Variants in SLCO6A1 observed in about 807,000 individuals in gnomAD.
SLCO6A1 encodes cancer/testis antigen 48.
In SLCO6A1, 65 loss-of-function variants were observed where a neutral mutation model predicts 72.7. The ratio of observed to expected loss-of-function variants is 0.89; its 90% CI spans 0.73 to 1.10. The LOEUF is 1.10. SLCO6A1 is among the 50% of genes least tolerant of loss of function. The pLI, the probability that SLCO6A1 is intolerant of heterozygous loss-of-function variation, is 0.00. For missense variants in SLCO6A1, 874 were observed against 872.6 expected, an observed-to-expected ratio of 1.00 and a Z score of -0.02; for synonymous variants, 314 against 298.2, an observed-to-expected ratio of 1.05 and a Z score of -0.55.
intron 1 of SLCO6A1, among the ~76,000 whole-genome samples, chr5:102,491,530 G>A (rs570140472): frequency 1.2e-4 from 19 of 152,344 alleles, no homozygotes; most frequent in Admixed American, 1.2e-3. Context: ...CCCGAGCGCT[G>A]CCCCACAGGG....
chr5:102,373,396 C>T lies in SLCO6A1; in HGVS notation c.2116G>A (p.Val706Met). 1 of 1,581,280 alleles carries T rather than the reference C, an allele frequency of 6.3e-7. No homozygotes were observed. The highest frequency in any genetic ancestry group is 8.6e-7 in the Non-Finnish European group (1 of 1,166,776). The change falls in exon 13 of 14, where the codon GTG becomes ATG. Residue 706 changes from valine (V) to methionine (M), a missense_variant. Coordinates refer to ENST00000506729, the MANE Select transcript of SLCO6A1 (RefSeq NM_173488.5). ...TTTTTCTTAACTTTTGGATTCTTCACAGTTACATCTGGGAAGTCAGTGTTC... is the reference window on the plus strand; with the variant it reads ...TTTTTCTTAACTTTTGGATTCTTCATAGTTACATCTGGGAAGTCAGTGTTC... ...NENTDFPDVT[V>M]KNPKVKKKEE...
At chr5:102,461,364 G>A (rs2112768177) in intron 4 of SLCO6A1, among the ~76,000 whole-genome samples, 1 of 152,130 alleles carries the variant, frequency 6.6e-6, no homozygotes, top group South Asian at 2.1e-4. Context: ...CAGTCCTAAT[G>A]TGGCCCACAA....
At chr5:102,390,925 A>G in intron 11 of SLCO6A1, 56 bp downstream of exon 11, 1 of 1,376,702 alleles carries the variant, frequency 7.3e-7, no homozygotes, top group Non-Finnish European at 1.0e-6. Context: ...ACATGTAGAC[A>G]TATATACATA....
intron 10 of SLCO6A1, among the ~76,000 whole-genome samples, chr5:102,399,076 CATAA>C (rs1166554437): frequency 2.0e-5 from 3 of 151,754 alleles, no homozygotes; most frequent in African/African-American, 7.2e-5. Flanking sequence ...AGGAAGAACG[CATAA>C]ATAATAAATG....
chr5:102,408,534 C>T (rs976055688), intron 9 of SLCO6A1, among the ~76,000 whole-genome samples: 3 of 151,966 alleles, frequency 2.0e-5, no homozygotes, highest in Non-Finnish European at 2.9e-5. Flanking sequence ...AAGAGAAAAT[C>T]CTAAAGCATC....
At chr5:102,428,105 G>A (rs1298447553) in intron 7 of SLCO6A1, among the ~76,000 whole-genome samples, 3 of 151,482 alleles carry the variant, frequency 2.0e-5, no homozygotes, top group Non-Finnish European at 4.4e-5. Flanking sequence ...CTCCTGACAA[G>A]TGATCCACCC....
At position 102,475,794 on chromosome 5, in the gene SLCO6A1, C is replaced by T; in HGVS notation, c.803-1G>A. The stretch of plus-strand genomic sequence containing the variant: ...ATCATTGATGTACATTCTGCAATAC[C>T]TGTAAAATAAGCACTGAAACTGAAC... On this transcript the variant is annotated splice_acceptor_variant, in intron 3 of 13. Transcript: ENST00000506729. LOFTEE classifies it high-confidence loss of function. 1 of 1,594,388 alleles carries T rather than the reference C, an allele frequency of 6.3e-7. No homozygotes were observed.
chr5:102,459,966 A>G (rs540615587), intron 4 of SLCO6A1, among the ~76,000 whole-genome samples, 189 bp from the exon 5 acceptor site: 111 of 152,208 alleles, frequency 7.3e-4, no homozygotes, highest in Non-Finnish European at 1.3e-3. Context: ...TGAGTCCCCA[A>G]TTATGTGCTT....
At chr5:102,389,457 C>CCA (rs34181415) in intron 11 of SLCO6A1, among the ~76,000 whole-genome samples, 1 of 83,404 alleles carries the variant, frequency 1.2e-5, no homozygotes, top group African/African-American at 4.7e-5. Context: ...CCCCCACCCC[C>CCA]ACACACACAG....
At chr5:102,460,542 G>T (rs1052176742) in intron 4 of SLCO6A1, among the ~76,000 whole-genome samples, 5 of 152,110 alleles carry the variant, frequency 3.3e-5, no homozygotes, top group African/African-American at 1.2e-4. Context: ...AATTTTCATA[G>T]TTGTGAAGCT....
chr5:102,487,606 T>C (rs575851804), intron 1 of SLCO6A1, among the ~76,000 whole-genome samples: 1 of 152,328 alleles, frequency 6.6e-6, no homozygotes, highest in East Asian at 1.9e-4. Context: ...GGTGACTTCA[T>C]GTATCTTGCA....
intron 1 of SLCO6A1, among the ~76,000 whole-genome samples, chr5:102,485,866 T>A (rs1752424556): frequency 6.6e-6 from 1 of 152,216 alleles, no homozygotes. Flanking sequence ...TTGAAGTTAT[T>A]ACAACCTCTA....
chr5:102,438,524 T>C, intron 7 of SLCO6A1, 93 bp downstream of exon 7: 1 of 1,026,864 alleles, frequency 9.7e-7, no homozygotes, highest in Non-Finnish European at 1.4e-6. Context: ...AGGTATATAA[T>C]TCTTTATATT....
chr5:102,423,019 C>A (rs938457607), intron 7 of SLCO6A1, among the ~76,000 whole-genome samples: 5 of 152,230 alleles, frequency 3.3e-5, no homozygotes, highest in African/African-American at 1.2e-4. Context: ...CATATCCAAC[C>A]AAACTAAGCT....
rs528356337 is a variant in SLCO6A1 at position 102,458,949 on chromosome 5, A to G, written c.1022-458T>C. 1.2e-4 allele frequency among the ~76,000 whole-genome samples: 19 copies of G among 152,296 alleles called. 1 individual carries two copies. The South Asian group carries it at 3.9e-3, about 32-fold the overall frequency. ...TTACATGTATTTTTCAGTGTTTCTAAGAAAATTTTAACAGTTATTATTTTA... is the reference window on the plus strand; with the variant it reads ...TTACATGTATTTTTCAGTGTTTCTAGGAAAATTTTAACAGTTATTATTTTA... On this transcript the variant is annotated intron_variant, in intron 5 of 13. Coordinates refer to ENST00000506729, the MANE Select transcript of SLCO6A1 (RefSeq NM_173488.5).
intron 8 of SLCO6A1, among the ~76,000 whole-genome samples, chr5:102,417,094 T>C (rs997565273): frequency 6.6e-6 from 1 of 152,224 alleles, no homozygotes; most frequent in Non-Finnish European, 1.5e-5. Context: ...TATCATTATG[T>C]AATGATCTTC....
chr5:102,396,744 T>C (rs117970355), intron 10 of SLCO6A1, among the ~76,000 whole-genome samples: 1 of 152,144 alleles, frequency 6.6e-6, no homozygotes, highest in African/African-American at 2.4e-5. Context: ...GTACAAAGCA[T>C]GCTGTGTATC....
intron 9 of SLCO6A1, among the ~76,000 whole-genome samples, chr5:102,406,316 A>G (rs980506726): frequency 1.3e-5 from 2 of 152,134 alleles, no homozygotes; most frequent in Non-Finnish European, 2.9e-5. Flanking sequence ...TGCTATAATA[A>G]TGATTTAATA....
intron 7 of SLCO6A1, 85 bp from the exon 8 acceptor site, chr5:102,420,106 T>C: frequency 9.0e-7 from 1 of 1,110,544 alleles, no homozygotes; most frequent in East Asian, 2.8e-5. Context: ...TTTCCTTTGC[T>C]CTAAACATAT....
Sources: allele counts gnomAD v4.1 joint callset (sites outside exome capture counted in the v4.1 genomes callset), GRCh38; gene constraint gnomAD v4.1.1; transcripts MANE v1.5; gene names NCBI Gene and HGNC (gene_info 2026-07-23, HGNC 2026-07-21).